The following ATP6V1H variants were observed in gnomAD, a reference collection of about 807,000 sequenced individuals.
ATP6V1H encodes ATPase H+ transporting V1 subunit H, also known as V-type proton ATPase subunit H.
A neutral mutation model predicts 71.7 loss-of-function variants in ATP6V1H; 39 were observed. The ratio of observed to expected loss-of-function variants is 0.54; its 90% CI spans 0.42 to 0.71. The LOEUF (loss-of-function observed/expected upper bound fraction) is 0.71. ATP6V1H is among the 30% of genes least tolerant of loss of function. The pLI is 0.00. For synonymous variants in ATP6V1H, 192 were observed against 199.3 expected, an observed-to-expected ratio of 0.96 and a Z score of 0.31; for missense variants, 509 against 594.9, an observed-to-expected ratio of 0.86 and a Z score of 1.50.
chr8:53,743,681 C>T lies in ATP6V1H; in HGVS notation c.1287G>A (p.Glu429=), dbSNP rs980274787. 1 of 1,607,320 alleles carries T rather than the reference C, an allele frequency of 6.2e-7. No individual in the cohort carries two copies. Among genetic ancestry groups the T allele is most frequent in the Non-Finnish European group, 8.5e-7 (1 of 1,174,932 alleles). ...TGACCAGCTGCTTCCCACCGAGCTG[C>T]TCGATGACCCTGCAAACGGGAGAGA... ...RHYPRGKRVI[E]QLGGKQLVMN... is the part of the protein sequence containing the mutation. Residue 429 remains glutamate, a synonymous_variant, in exon 13 of 14, where the codon GAG becomes GAA. Transcript: ENST00000359530.
At chr8:53,814,240 C>T (rs1218571642) in intron 6 of ATP6V1H, among the ~76,000 whole-genome samples, 1 of 152,096 alleles carries the variant, frequency 6.6e-6, no homozygotes, top group Non-Finnish European at 1.5e-5. Context: ...CCTGGGGCAG[C>T]CAAGGGAGCT....
At chr8:53,827,502 G>A (rs1483277869) in intron 4 of ATP6V1H, among the ~76,000 whole-genome samples, 2 of 150,424 alleles carry the variant, frequency 1.3e-5, no homozygotes, top group African/African-American at 5.0e-5. Flanking sequence ...TAATCACTCT[G>A]AAACTTGAAC....
In ATP6V1H at chr8:53,829,522, T is replaced by C; in HGVS notation, c.228A>G (p.Thr76=). The stretch of plus-strand genomic sequence containing the variant: ...AGATATGAGTCATCAGATTTATAAA[T>C]GTTTTAGCACACTAAAAAAAAAAAT... ...LQTEGSQCAK[T]FINLMTHICK... Residue 76 remains threonine (T), a synonymous_variant, in exon 4 of 14, where the codon ACA becomes ACG. Coordinates refer to ENST00000359530, the MANE Select transcript of ATP6V1H (RefSeq NM_015941.4). 2 of 1,587,874 alleles carry C rather than the reference T, an allele frequency of 1.3e-6. No homozygotes were observed. The highest frequency in any genetic ancestry group is 1.7e-6 in the Non-Finnish European group (2 of 1,169,230).
At chr8:53,751,669 A>ATTTC (rs1807802018) in intron 12 of ATP6V1H, among the ~76,000 whole-genome samples, 1 of 146,390 alleles carries the variant, frequency 6.8e-6, no homozygotes, top group African/African-American at 2.7e-5. Flanking sequence ...AATAAAGATA[A>ATTTC]TTTCTTTTTT....
At chr8:53,782,053 AGT>A (rs1809159582) in intron 9 of ATP6V1H, among the ~76,000 whole-genome samples, 1 of 152,222 alleles carries the variant, frequency 6.6e-6, no homozygotes, top group East Asian at 1.9e-4. Flanking sequence ...TGAACGTTAA[AGT>A]AGTTTTTTCC....
chr8:53,755,696 A>T (rs1807994257), intron 12 of ATP6V1H, among the ~76,000 whole-genome samples: 2 of 1,418 alleles, frequency 1.4e-3, no homozygotes, highest in African/African-American at 6.4e-3. Flanking sequence ...ATATATATAT[A>T]TATATATATA....
intron 12 of ATP6V1H, among the ~76,000 whole-genome samples, chr8:53,748,391 T>A (rs1807681778): frequency 6.6e-6 from 1 of 152,216 alleles, no homozygotes; most frequent in African/African-American, 2.4e-5. Context: ...TATTCAATAA[T>A]GTTTATTAAA....
intron 11 of ATP6V1H, among the ~76,000 whole-genome samples, chr8:53,758,311 A>G (rs1187312587): frequency 6.6e-6 from 1 of 152,228 alleles, no homozygotes; most frequent in African/African-American, 2.4e-5. Flanking sequence ...TATTTAAAAT[A>G]TAACATTTGT....
At chr8:53,781,841 A>T (rs962712831) in intron 9 of ATP6V1H, among the ~76,000 whole-genome samples, 4 of 152,122 alleles carry the variant, frequency 2.6e-5, no homozygotes, top group Non-Finnish European at 4.4e-5. Flanking sequence ...GTCAAAGATC[A>T]GATAGTTGTA....
intron 12 of ATP6V1H, among the ~76,000 whole-genome samples, chr8:53,755,151 T>G (rs1807958084): frequency 6.6e-6 from 1 of 152,164 alleles, no homozygotes; most frequent in Non-Finnish European, 1.5e-5. Context: ...CTCTCTGTTT[T>G]CCTTTGAGGA....
chr8:53,736,459 C>A (rs1807207170), intron 13 of ATP6V1H, among the ~76,000 whole-genome samples: 1 of 152,310 alleles, frequency 6.6e-6, no homozygotes, highest in East Asian at 1.9e-4. Flanking sequence ...CCCACAAGTT[C>A]AAGCTTCTAG....
In ATP6V1H at chr8:53,727,970, A is replaced by G. The variant is rs1434513333; in HGVS notation, c.1392-11946T>C. ...TCCTGTCACTTCCATATTTTTAATA[A>G]CTAAAAAAACTGGTCTTCTTTCCTC... On this transcript the variant is annotated intron_variant, in intron 13 of 13. Transcript: ENST00000359530. 2.0e-5 allele frequency among the ~76,000 whole-genome samples: 3 copies of G among 152,182 alleles called. No individual in the cohort carries two copies. The East Asian group carries it at 5.8e-4, about 29-fold the overall frequency.
chr8:53,835,703 AT>A (rs1378159995), intron 2 of ATP6V1H, among the ~76,000 whole-genome samples: 1 of 151,854 alleles, frequency 6.6e-6, no homozygotes, highest in Non-Finnish European at 1.5e-5. Flanking sequence ...TCATGCATTT[AT>A]TTTTTTCAAC....
At chr8:53,812,924 G>A (rs1202981565) in intron 6 of ATP6V1H, among the ~76,000 whole-genome samples, 1 of 152,038 alleles carries the variant, frequency 6.6e-6, no homozygotes, top group Non-Finnish European at 1.5e-5. Context: ...CAAACTCCTG[G>A]GCTCAAGTAA....
At chr8:53,726,461 G>A (rs1421915116) in intron 13 of ATP6V1H, among the ~76,000 whole-genome samples, 1 of 152,046 alleles carries the variant, frequency 6.6e-6, no homozygotes, top group East Asian at 1.9e-4. Context: ...GATTTTGACA[G>A]AGATTTCAAC....
rs111514274 is a variant in ATP6V1H at position 53,795,734 on chromosome 8, C to T, written c.783G>A (p.Arg261=). Residue 261 remains arginine, a synonymous_variant, in exon 9 of 14, where the codon CGG becomes CGA. Transcript: ENST00000359530. ...ACAGAACTGGAATGATATTATAGCG[C>T]CGCAGGTGTTCACACATTTGAGGAC... ...AFSPQMCEHL[R]RYNIIPVLSD... The T allele has an allele frequency of 8.7e-6, 14 of 1,613,990 alleles. No homozygotes were observed. In the African/African-American group the frequency reaches 1.1e-4, roughly 12 times the overall value.
At chr8:53,800,145 G>A (rs1024705046) in intron 8 of ATP6V1H, among the ~76,000 whole-genome samples, 7 of 152,154 alleles carry the variant, frequency 4.6e-5, no homozygotes, top group Non-Finnish European at 2.9e-5. Flanking sequence ...TCAATGCTGG[G>A]AGAAGATACC....
In ATP6V1H at chr8:53,777,597, A is replaced by C. The variant is rs532444323; in HGVS notation, c.871-5430T>G. Among the ~76,000 whole-genome samples, 3 of 152,346 alleles carry C rather than the reference A, an allele frequency of 2.0e-5. No homozygotes were observed. The South Asian group carries it at 6.2e-4, about 32-fold the overall frequency. On this transcript the variant is annotated intron_variant, in intron 9 of 13. Coordinates refer to ENST00000359530, the MANE Select transcript of ATP6V1H (RefSeq NM_015941.4). ...TCAGTCACCAGCAGACATACACTGGAAGATATCCGAAAGCAGGGATTGGCT... is the reference window on the plus strand; with the variant it reads ...TCAGTCACCAGCAGACATACACTGGCAGATATCCGAAAGCAGGGATTGGCT...
chr8:53,797,978 T>C lies in ATP6V1H; in HGVS notation c.678-2139A>G, dbSNP rs923586234. ...AGTTTAATGGGAATAGCACTGCATC[T>C]ATAAATTACTTTGGGCAGTAGAGGC... On this transcript the variant is annotated intron_variant, in intron 8 of 13. Transcript: ENST00000359530. Among the ~76,000 whole-genome samples the C allele has an allele frequency of 5.3e-5, 8 of 152,334 alleles. No homozygotes were observed. The East Asian group carries it at 1.5e-3, about 29-fold the overall frequency.
Sources: gnomAD v4.1 joint callset for allele counts (sites outside exome capture counted in the v4.1 genomes callset) on GRCh38, gnomAD v4.1.1 for gene constraint, MANE v1.5 for transcripts, NCBI Gene and HGNC (gene_info 2026-07-23, HGNC 2026-07-21) for gene names.